Variants in GDA observed in about 807,000 individuals in gnomAD.
GDA encodes the protein cytoplasmic PSD-95 interactor.
In GDA, 18 loss-of-function variants were observed where a neutral mutation model predicts 59.6. The ratio of observed to expected loss-of-function variants is 0.30; its 90% CI spans 0.21 to 0.45. The LOEUF (loss-of-function observed/expected upper bound fraction) is 0.45. Among genes scored for constraint, GDA ranks in the 20% least tolerant of loss-of-function variants. GDA has a pLI of 1.00. For missense variants in GDA, 427 were observed against 552.3 expected, an observed-to-expected ratio of 0.77 and a Z score of 2.27; for synonymous variants, 201 against 201.1, an observed-to-expected ratio of 1.00 and a Z score of 0.00.
chr9:72,139,204 G>A (rs1300853867), intron 1 of GDA, among the ~76,000 whole-genome samples: 1 of 152,108 alleles, frequency 6.6e-6, no homozygotes, highest in Non-Finnish European at 1.5e-5. Context: ...TGGTGTAGTT[G>A]GTCAAATGCA....
downstream of GDA, among the ~76,000 whole-genome samples, chr9:72,259,869 G>T (rs1050196395): frequency 1.1e-4 from 17 of 152,120 alleles, no homozygotes; most frequent in African/African-American, 4.1e-4. Context: ...ATTTGAACAG[G>T]TTCAAGTTTT....
At chr9:72,203,160 C>G (rs747632043) in intron 3 of GDA, among the ~76,000 whole-genome samples, 14 of 152,150 alleles carry the variant, frequency 9.2e-5, no homozygotes, top group Non-Finnish European at 1.9e-4. Context: ...ATGATAGTAC[C>G]TATTTCACAG....
chr9:72,172,290 AAAAATAG>A (rs1830057900), intron 1 of GDA, among the ~76,000 whole-genome samples: 1 of 151,842 alleles, frequency 6.6e-6, no homozygotes, highest in Non-Finnish European at 1.5e-5. Context: ...ATTTTGCTAG[AAAAATAG>A]AAATAACAAA....
chr9:72,213,802 CA>C (rs200145454), intron 4 of GDA, 83 bp from the exon 5 acceptor site: 55,846 of 602,560 alleles, frequency 0.093, 4 homozygotes, highest in Non-Finnish European at 0.1. Context: ...GACTCCGTCT[CA>C]AAAAAAAAAA....
intron 1 of GDA, among the ~76,000 whole-genome samples, chr9:72,139,275 C>T (rs946189213): frequency 3.3e-5 from 5 of 151,480 alleles, no homozygotes; most frequent in South Asian, 2.1e-4. Context: ...AAATTATACA[C>T]ATTAATGATA....
chr9:72,184,368 T>C (rs530054375), intron 1 of GDA, among the ~76,000 whole-genome samples: 1 of 152,262 alleles, frequency 6.6e-6, no homozygotes, highest in African/African-American at 2.4e-5. Flanking sequence ...TATTCATCCT[T>C]CCCCCTCCAA....
chr9:72,179,830 T>TC (rs1005750798), intron 1 of GDA, among the ~76,000 whole-genome samples: 3 of 152,198 alleles, frequency 2.0e-5, no homozygotes, highest in African/African-American at 7.2e-5. Context: ...CTATGTCTCT[T>TC]CAACTCATTT....
chr9:72,228,713 C>T (rs574806224), intron 9 of GDA: 1 of 152,386 alleles, frequency 6.6e-6, no homozygotes, highest in South Asian at 2.1e-4. Flanking sequence ...CATGGTGAAA[C>T]CCCATCAGTA....
chr9:72,153,290 A>G (rs922717431), intron 1 of GDA, among the ~76,000 whole-genome samples: 5 of 152,008 alleles, frequency 3.3e-5, no homozygotes, highest in Non-Finnish European at 2.9e-5. Context: ...TTTTGGTTCC[A>G]TATGAACTTT....
intron 1 of GDA, among the ~76,000 whole-genome samples, chr9:72,195,265 A>G (rs1279664757): frequency 6.6e-6 from 1 of 151,630 alleles, no homozygotes; most frequent in East Asian, 1.9e-4. Flanking sequence ...TTGAAGTCTC[A>G]GATTGATATT....
chr9:72,120,808 T>C (rs1825633455), intron 1 of GDA, among the ~76,000 whole-genome samples: 1 of 152,170 alleles, frequency 6.6e-6, no homozygotes, highest in Non-Finnish European at 1.5e-5. Context: ...ACACATGACT[T>C]CAACACTTCA....
At chr9:72,135,208 C>G (rs1451860973) in intron 1 of GDA, among the ~76,000 whole-genome samples, 1 of 148,574 alleles carries the variant, frequency 6.7e-6, no homozygotes, top group African/African-American at 2.6e-5. Context: ...TTCTGAACAT[C>G]ATGGCCTACG....
chr9:72,134,758 T>C (rs11143126), intron 1 of GDA, among the ~76,000 whole-genome samples: 23,902 of 152,136 alleles, frequency 0.16, 2,482 homozygotes, highest in East Asian at 0.51. Context: ...TCAAAATTTA[T>C]TGGGAAAGAA....
chr9:72,142,507 A>G (rs1440201175), intron 1 of GDA, among the ~76,000 whole-genome samples: 2 of 151,082 alleles, frequency 1.3e-5, no homozygotes, highest in Non-Finnish European at 2.9e-5. Context: ...CGGGAGGCAG[A>G]GCTTGCAGTG....
chr9:72,153,423 G>A (rs372568683), intron 1 of GDA, among the ~76,000 whole-genome samples: 27,734 of 151,028 alleles, frequency 0.18, 2,814 homozygotes, highest in African/African-American at 0.29. Context: ...TCAGTGTGGC[G>A]ATTCCTCAGG....
intron 12 of GDA, among the ~76,000 whole-genome samples, chr9:72,246,963 C>G (rs530546261): frequency 1.3e-5 from 2 of 152,024 alleles, no homozygotes; most frequent in African/African-American, 4.8e-5. Context: ...CTCTTTTCTG[C>G]TTATCAGTAG....
intron 1 of GDA, among the ~76,000 whole-genome samples, chr9:72,173,982 G>A (rs746150707): frequency 6.6e-6 from 1 of 152,068 alleles, no homozygotes; most frequent in Non-Finnish European, 1.5e-5. Context: ...CATTCAAATG[G>A]TCAGCTAAGG....
At chr9:72,226,710 A>C (rs1317792892) in intron 8 of GDA, among the ~76,000 whole-genome samples, 3 of 152,242 alleles carry the variant, frequency 2.0e-5, no homozygotes, top group Admixed American at 1.3e-4. Context: ...TGTAAAAGCT[A>C]CACCATAGTT....
chr9:72,251,816 GA>G lies in GDA; in HGVS notation c.*3475del, dbSNP rs1380932250. 1.3e-5 allele frequency: 2 copies of G among 152,088 alleles called. No individual in the cohort carries two copies. Among genetic ancestry groups the G allele is most frequent in the Non-Finnish European group, 2.9e-5 (2 of 68,008 alleles). The allele number at this position is 152,088 out of a possible 1,614,324, so 9.4% of individuals were successfully genotyped here. On this transcript the variant is annotated 3_prime_UTR_variant, in exon 14 of 14. Coordinates refer to ENST00000358399, the MANE Select transcript of GDA (RefSeq NM_004293.5). ...CACTGCCTTTCCTTCCCACAGACCT[GA>G]GTGTGAAAGACTGAGAGTTGAGGAG...
Sources: allele counts gnomAD v4.1 joint callset (sites outside exome capture counted in the v4.1 genomes callset), GRCh38; gene constraint gnomAD v4.1.1; transcripts MANE v1.5; gene names NCBI Gene and HGNC (gene_info 2026-07-23, HGNC 2026-07-21).